SH3BP5: variants seen among roughly 807,000 people sequenced by gnomAD.
SH3BP5 encodes SH3 domain-binding protein 5.
A neutral mutation model predicts 43.3 loss-of-function variants in SH3BP5; 22 were observed. The ratio of observed to expected loss-of-function variants is 0.51; its 90% CI spans 0.36 to 0.73. The LOEUF (loss-of-function observed/expected upper bound fraction) is 0.73, where lower values mean the gene tolerates loss of function less well. SH3BP5 is among the 30% of genes least tolerant of loss of function. The pLI, the probability that SH3BP5 is intolerant of heterozygous loss-of-function variation, is 0.00. For synonymous variants in SH3BP5, 255 were observed against 225.8 expected (o/e 1.13, Z -1.16); for missense variants, 529 against 586.9 (o/e 0.90, Z 1.02).
At chr3:15,337,084 G>GTTTTTTT (rs374056927), upstream of SH3BP5, among the ~76,000 whole-genome samples, 10 of 100,102 alleles carry the variant, frequency 1.0e-4, no homozygotes, top group South Asian at 3.4e-4. Flanking sequence ...TTTTAGTTTA[G>GTTTTTTT]TTTTTTTTTT....
At chr3:15,269,098 G>A (rs991815458) in intron 4 of SH3BP5, among the ~76,000 whole-genome samples, 6 of 152,104 alleles carry the variant, frequency 3.9e-5, no homozygotes, top group African/African-American at 1.4e-4. Flanking sequence ...TCTGAGTAAC[G>A]CAGTCAGAGA....
At chr3:15,281,236 G>A (rs1697120175) in intron 3 of SH3BP5, among the ~76,000 whole-genome samples, 1 of 152,156 alleles carries the variant, frequency 6.6e-6, no homozygotes, top group Non-Finnish European at 1.5e-5. Flanking sequence ...ATGTTGGCCA[G>A]GCTGGTCAAG....
intron 3 of SH3BP5, among the ~76,000 whole-genome samples, chr3:15,276,233 T>G (rs991651790): frequency 2.6e-5 from 4 of 152,026 alleles, no homozygotes; most frequent in African/African-American, 9.7e-5. Flanking sequence ...CAATGGCTCT[T>G]GGGGAGGAAC....
At chr3:15,280,651 G>T (rs1697100171) in intron 3 of SH3BP5, among the ~76,000 whole-genome samples, 1 of 152,064 alleles carries the variant, frequency 6.6e-6, no homozygotes, top group Non-Finnish European at 1.5e-5. Context: ...CACTCTCTCT[G>T]TCCCCAAAAC....
chr3:15,333,800 G>T (rs1235604531), upstream of SH3BP5, among the ~76,000 whole-genome samples: 3 of 152,230 alleles, frequency 2.0e-5, no homozygotes, highest in African/African-American at 7.2e-5. Context: ...TTTCTAAAAA[G>T]GTCAGACCTG....
In SH3BP5 at chr3:15,256,225, C is replaced by G; in HGVS notation, c.1229G>C (p.Ser410Thr). The change falls in exon 9 of 9, where the codon AGT (serine) becomes ACT (threonine). Residue 410 changes from serine to threonine, a missense_variant. Ser to Thr is a moderately conservative substitution (Grantham distance 58). Around this residue, in one of 3 missense-constraint regions of SH3BP5, gnomAD observed 369 missense variants for 384.3 expected, o/e 0.96. Transcript: ENST00000383791. ...NNRGLSSSSG[S>T]GGSSKSQSST... ...GCTTTGGCTCTTACTGCTGCCACCA[C>G]TGCCACTGCTACTGCTGAGGCCCCG... is the stretch of plus-strand genomic sequence containing the variant. The G allele has an allele frequency of 6.2e-7, 1 of 1,614,042 alleles. No homozygotes were observed. Among genetic ancestry groups the G allele is most frequent in the South Asian group, 1.1e-5 (1 of 91,082 alleles).
intron 2 of SH3BP5, among the ~76,000 whole-genome samples, chr3:15,316,833 G>A (rs1165817133): frequency 2.6e-5 from 4 of 151,988 alleles, no homozygotes; most frequent in African/African-American, 4.8e-5. Context: ...TACAAGGCCC[G>A]AGAGGATGGA....
chr3:15,260,443 G>T, intron 5 of SH3BP5: 1 of 154,808 alleles, frequency 6.5e-6, no homozygotes, highest in Non-Finnish European at 1.4e-5. Flanking sequence ...GAAAGAGCTT[G>T]GCTCTTTTTT....
chr3:15,273,026 C>T, intron 3 of SH3BP5: 2 of 612,228 alleles, frequency 3.3e-6, no homozygotes, highest in Non-Finnish European at 4.1e-6. Context: ...AGGGCCTCCG[C>T]AGGCCAAGCT....
intron 2 of SH3BP5, among the ~76,000 whole-genome samples, chr3:15,310,522 A>G (rs1312516347): frequency 6.6e-6 from 1 of 152,140 alleles, no homozygotes; most frequent in Non-Finnish European, 1.5e-5. Context: ...GGCTTCAGGA[A>G]TGTCCAGGGA....
intron 5 of SH3BP5, among the ~76,000 whole-genome samples, chr3:15,261,660 T>A (rs1026027028): frequency 6.6e-6 from 1 of 151,792 alleles, no homozygotes; most frequent in East Asian, 1.9e-4. Flanking sequence ...TTATCAATGT[T>A]GTATAAAAAT....
At chr3:15,290,077 G>A (rs1440594125) in intron 3 of SH3BP5, among the ~76,000 whole-genome samples, 1 of 152,168 alleles carries the variant, frequency 6.6e-6, no homozygotes, top group African/African-American at 2.4e-5. Context: ...GAATTGATGA[G>A]CACAGGGCAT....
At chr3:15,330,951 G>A (rs1328002497) in intron 1 of SH3BP5, among the ~76,000 whole-genome samples, 2 of 152,134 alleles carry the variant, frequency 1.3e-5, no homozygotes, top group African/African-American at 4.8e-5. Context: ...GCAAGGCCAA[G>A]CCAAAAATAT....
intron 2 of SH3BP5, among the ~76,000 whole-genome samples, chr3:15,313,069 C>A (rs1474354996): frequency 1.3e-5 from 2 of 151,868 alleles, no homozygotes; most frequent in Admixed American, 1.3e-4. Flanking sequence ...CATGGTGAAA[C>A]CCAGTCTCTA....
chr3:15,315,535 A>G (rs1485457157), intron 2 of SH3BP5, among the ~76,000 whole-genome samples: 1 of 145,450 alleles, frequency 6.9e-6, no homozygotes, highest in Non-Finnish European at 1.5e-5. Flanking sequence ...GTAAGAAAAT[A>G]TAAGGGTCAT....
At chr3:15,304,040 C>T in intron 3 of SH3BP5, 63 bp downstream of exon 3, 1 of 1,389,904 alleles carries the variant, frequency 7.2e-7, no homozygotes, top group Middle Eastern at 2.4e-4. Context: ...CAGTCAAAGG[C>T]ACCCTTAAAA....
chr3:15,294,330 T>TGTGTGTGTGTGTGTGTGTGTGTGTGCGC (rs565464561), intron 3 of SH3BP5, among the ~76,000 whole-genome samples: 2 of 121,506 alleles, frequency 1.6e-5, no homozygotes, highest in Admixed American at 1.5e-4. Flanking sequence ...TGTGTGTGTG[T>TGTGTGTGTGTGTGTGTGTGTGTGTGCGC]GCGCGCGCAT....
chr3:15,285,059 T>A (rs574352932), intron 3 of SH3BP5, among the ~76,000 whole-genome samples: 1 of 152,222 alleles, frequency 6.6e-6, no homozygotes, highest in African/African-American at 2.4e-5. Context: ...GAAAGTCTTA[T>A]GAGAGCCAAA....
In SH3BP5 at chr3:15,272,688, GATAA is replaced by G. The variant is rs1171216135; in HGVS notation, c.331-2815_331-2812del. 2.6e-4 allele frequency among the ~76,000 whole-genome samples: 31 copies of G among 117,878 alleles called. 1 individual carries two copies. The highest frequency in any genetic ancestry group is 1.8e-3 in the African/African-American group (27 of 15,234). 77.3% of individuals were successfully genotyped at this position (117,878 alleles called of 152,430 possible). Reference sequence around the variant, plus strand: ...ACATTACAAAACAGAGTGCCTGTAGGATAAAGACATTACAAAACAGAGTGCCTGT... The same window carrying G: ...ACATTACAAAACAGAGTGCCTGTAGGAGACATTACAAAACAGAGTGCCTGT... On this transcript the variant is annotated intron_variant, in intron 3 of 8. Transcript: ENST00000383791.
Sources: allele counts gnomAD v4.1 joint callset (sites outside exome capture counted in the v4.1 genomes callset), GRCh38; gene constraint gnomAD v4.1.1; regional missense constraint gnomAD v4.1.1; transcripts MANE v1.5; gene names NCBI Gene and HGNC (gene_info 2026-07-23, HGNC 2026-07-21).